Variants in APBA1 observed in about 807,000 individuals in gnomAD.
The protein encoded by APBA1 is amyloid-beta A4 precursor protein-binding family A member 1.
APBA1 carries 55 observed loss-of-function variants against 86.6 expected under a neutral mutation model. That is an observed-to-expected ratio of 0.64 (90% CI 0.51 to 0.80). The LOEUF (loss-of-function observed/expected upper bound fraction) is 0.80. APBA1 is among the 30% of genes least tolerant of loss of function. The pLI, the probability that APBA1 is intolerant of heterozygous loss-of-function variation, is 0.00. For synonymous variants in APBA1, 511 were observed against 493.9 expected (o/e 1.03, Z -0.46); for missense variants, 1,090 against 1,183.0 (o/e 0.92, Z 1.15).
chr9:69,469,809 A>G (rs528920038), intron 4 of APBA1, among the ~76,000 whole-genome samples: 5 of 152,378 alleles, frequency 3.3e-5, no homozygotes, highest in Non-Finnish European at 5.9e-5. Context: ...ATGCATTTAT[A>G]GTGTTATGGA....
chr9:69,502,234 T>G (rs1256618720), intron 2 of APBA1, among the ~76,000 whole-genome samples: 1 of 152,058 alleles, frequency 6.6e-6, no homozygotes, highest in East Asian at 1.9e-4. Context: ...CAGACAAGTT[T>G]TGCTCTGGTG....
At chr9:69,443,708 T>A (rs1179858549) in intron 10 of APBA1, among the ~76,000 whole-genome samples, 1 of 152,198 alleles carries the variant, frequency 6.6e-6, no homozygotes, top group East Asian at 1.9e-4. Context: ...AAGAGGAAAC[T>A]GAGGCTCAGA....
At chr9:69,541,261 C>CG (rs1427132991) in intron 1 of APBA1, among the ~76,000 whole-genome samples, 3 of 147,178 alleles carry the variant, frequency 2.0e-5, no homozygotes, top group South Asian at 4.6e-4. Flanking sequence ...ACCCCCCCCC[C>CG]CATTCTGTTT....
intron 2 of APBA1, among the ~76,000 whole-genome samples, chr9:69,501,819 T>C (rs540617322): frequency 2.6e-5 from 4 of 152,140 alleles, no homozygotes; most frequent in South Asian, 2.1e-4. Context: ...CAGAGTGAGA[T>C]TGTCTCTAAA....
chr9:69,647,683 T>C (rs1185900376), intron 1 of APBA1, among the ~76,000 whole-genome samples: 1 of 152,192 alleles, frequency 6.6e-6, no homozygotes, highest in Non-Finnish European at 1.5e-5. Flanking sequence ...CACATAACTC[T>C]TAAAAGTTGC....
chr9:69,432,229 T>C (rs577116363), intron 12 of APBA1, among the ~76,000 whole-genome samples: 20 of 152,252 alleles, frequency 1.3e-4, no homozygotes, highest in African/African-American at 4.8e-4. Context: ...CTGGGGAAAA[T>C]GGAGGCAACT....
chr9:69,553,503 A>G (rs1836819133), intron 1 of APBA1, among the ~76,000 whole-genome samples: 1 of 152,196 alleles, frequency 6.6e-6, no homozygotes, highest in Admixed American at 6.5e-5. Flanking sequence ...TATTAACTCA[A>G]TATAATGATT....
chr9:69,636,848 G>A (rs1169215213), intron 1 of APBA1, among the ~76,000 whole-genome samples: 2 of 106,906 alleles, frequency 1.9e-5, no homozygotes, highest in Admixed American at 9.6e-5. Flanking sequence ...AGGGAGGGAG[G>A]GAGGGAGGGA....
intron 1 of APBA1, among the ~76,000 whole-genome samples, chr9:69,534,142 C>G (rs966566047): frequency 9.9e-5 from 15 of 152,248 alleles, no homozygotes; most frequent in African/African-American, 3.6e-4. Flanking sequence ...ACCTAAAGAA[C>G]ACTTGAATTT....
chr9:69,537,038 C>G (rs1836523640), intron 1 of APBA1, among the ~76,000 whole-genome samples: 1 of 141,942 alleles, frequency 7.0e-6, no homozygotes, highest in Admixed American at 7.2e-5. Flanking sequence ...CCACTACGCA[C>G]TAAGATATAT....
At chr9:69,538,449 G>A (rs1836548307) in intron 1 of APBA1, among the ~76,000 whole-genome samples, 1 of 152,182 alleles carries the variant, frequency 6.6e-6, no homozygotes, top group Non-Finnish European at 1.5e-5. Context: ...AATAAGGACA[G>A]AAAGGTACTT....
chr9:69,487,225 T>TA (rs1835625868), intron 2 of APBA1, among the ~76,000 whole-genome samples: 2 of 152,176 alleles, frequency 1.3e-5, no homozygotes, highest in African/African-American at 2.4e-5. Flanking sequence ...GGAGAAATTC[T>TA]AGTCAAGAGA....
chr9:69,483,597 A>C (rs957585849), intron 2 of APBA1, among the ~76,000 whole-genome samples: 1 of 152,152 alleles, frequency 6.6e-6, no homozygotes, highest in African/African-American at 2.4e-5. Context: ...ACAAATGAAC[A>C]GAAAGATAAT....
intron 2 of APBA1, among the ~76,000 whole-genome samples, chr9:69,501,988 G>A (rs574060665): frequency 1.9e-4 from 29 of 152,092 alleles, no homozygotes; most frequent in Admixed American, 1.2e-3. Flanking sequence ...TAGCTAAATC[G>A]TCCATTTATT....
At chr9:69,512,985 T>C (rs1836076700) in intron 2 of APBA1, among the ~76,000 whole-genome samples, 1 of 152,182 alleles carries the variant, frequency 6.6e-6, no homozygotes, top group Non-Finnish European at 1.5e-5. Flanking sequence ...ATATTCTCAG[T>C]AGACCATTAA....
chr9:69,517,078 G>T lies in APBA1; in HGVS notation c.133C>A (p.Gln45Lys). Residue 45 changes from glutamine (Q) to lysine (K), a missense_variant, in exon 2 of 13, where the codon CAG (glutamine) becomes AAG (lysine). By Grantham distance (53) the Gln-to-Lys change is moderately conservative. Around this residue, in one of 6 missense-constraint regions of APBA1, gnomAD observed 678 missense variants for 647.1 expected, o/e 1.05. Coordinates refer to ENST00000265381, the MANE Select transcript of APBA1 (RefSeq NM_001163.4). ...EEEQQQPPQQ[Q>K]HYVGRHQRGR... ...CGCTGGTGGCGGCCCACATAGTGCT[G>T]CTGCTGCGGCGGCTGCTGCTGTTCC... The T allele has an allele frequency of 6.3e-7, 1 of 1,583,908 alleles. No individual in the cohort carries two copies. Among genetic ancestry groups the T allele is most frequent in the Admixed American group, 1.8e-5 (1 of 56,966 alleles).
At chr9:69,496,700 T>C (rs893537078) in intron 2 of APBA1, among the ~76,000 whole-genome samples, 1 of 152,136 alleles carries the variant, frequency 6.6e-6, no homozygotes, top group African/African-American at 2.4e-5. Flanking sequence ...CTTCCTACTT[T>C]ACAGCACTGG....
chr9:69,446,110 T>TG (rs1207612804), intron 10 of APBA1, among the ~76,000 whole-genome samples: 2 of 151,128 alleles, frequency 1.3e-5, no homozygotes, highest in East Asian at 3.9e-4. Context: ...GCCCGAGGGG[T>TG]GGGGGTAGGG....
chr9:69,494,403 G>T (rs561278428), intron 2 of APBA1: 6 of 152,196 alleles, frequency 3.9e-5, no homozygotes, highest in South Asian at 2.1e-4. Flanking sequence ...CTCCAACAGA[G>T]GGTGATGTCA....
Sources: gnomAD v4.1 joint callset for allele counts (sites outside exome capture counted in the v4.1 genomes callset) on GRCh38, gnomAD v4.1.1 for gene constraint, gnomAD v4.1.1 regional missense constraint, MANE v1.5 for transcripts, NCBI Gene and HGNC (gene_info 2026-07-23, HGNC 2026-07-21) for gene names.